Variants in BCR observed in about 807,000 individuals in gnomAD.
BCR encodes BCR activator of RhoGEF and GTPase, also known as breakpoint cluster region protein.
A neutral mutation model predicts 138.6 loss-of-function variants in BCR; 58 were observed. The ratio of observed to expected loss-of-function variants is 0.42; its 90% CI spans 0.34 to 0.52. BCR has a LOEUF of 0.52. Among genes scored for constraint, BCR ranks in the 20% least tolerant of loss-of-function variants. The pLI is 0.06. For synonymous variants in BCR, 786 were observed against 730.1 expected (o/e 1.08, Z -1.23); for missense variants, 1,599 against 1,727.2 (o/e 0.93, Z 1.32).
chr22:23,260,767 CTG>C (rs1290488528), intron 2 of BCR, 181 bp from the exon 3 acceptor site: 20 of 604,298 alleles, frequency 3.3e-5, no homozygotes, highest in Non-Finnish European at 5.7e-5. Context: ...TTCTCAGTGA[CTG>C]TGAGTGTGTG....
intron 1 of BCR, among the ~76,000 whole-genome samples, chr22:23,185,664 TCAAAAAACAAA>T (rs1368473843): frequency 2.0e-5 from 3 of 149,780 alleles, no homozygotes; most frequent in African/African-American, 2.5e-5. Flanking sequence ...AGACACAGTC[TCAAAAAACAAA>T]CAAAAAACTA....
Position 23,263,561 on chromosome 22 carries a change from T to C in BCR, c.1752+2021T>C, listed in dbSNP as rs545328979. 4.0e-5 allele frequency: 63 copies of C among 1,573,932 alleles called. No individual in the cohort carries two copies. In the Admixed American group the frequency reaches 6.0e-4, roughly 15 times the overall value. On this transcript the variant is annotated intron_variant, in intron 4 of 22. Transcript: ENST00000305877. Reference sequence around the variant, plus strand: ...TGGCCTACCAGTTCCGTCCAGATGGTGCCAGCTTGAACCGTCAGCCTCTGG... The same window carrying C: ...TGGCCTACCAGTTCCGTCCAGATGGCGCCAGCTTGAACCGTCAGCCTCTGG...
intron 16 of BCR, among the ~76,000 whole-genome samples, chr22:23,296,206 C>T (rs1298201995): frequency 2.0e-5 from 3 of 151,966 alleles, no homozygotes; most frequent in Non-Finnish European, 4.4e-5. Flanking sequence ...AACCCCGTCT[C>T]TACTAAAAAT....
intron 1 of BCR, among the ~76,000 whole-genome samples, chr22:23,192,653 G>A (rs1000305641): frequency 5.3e-5 from 8 of 152,182 alleles, no homozygotes; most frequent in African/African-American, 1.9e-4. Flanking sequence ...GGACACTTTG[G>A]TAAGGCTTCT....
intron 1 of BCR, chr22:23,199,248 C>G: frequency 1.9e-6 from 1 of 518,204 alleles, no homozygotes; most frequent in Non-Finnish European, 3.9e-6. Flanking sequence ...AGACTCTTCT[C>G]TTCTCTGTGC....
At chr22:23,201,922 G>C (rs903723024) in intron 1 of BCR, among the ~76,000 whole-genome samples, 1 of 152,156 alleles carries the variant, frequency 6.6e-6, no homozygotes, top group Non-Finnish European at 1.5e-5. Flanking sequence ...TGCAGTATGA[G>C]GAAGGTTTAA....
At chr22:23,300,673 C>T (rs1373575417) in intron 16 of BCR, among the ~76,000 whole-genome samples, 1 of 152,156 alleles carries the variant, frequency 6.6e-6, no homozygotes. Context: ...GAGCAGCTGC[C>T]AGGGTGCCAC....
Position 23,181,045 on chromosome 22 carries a change from G to T in BCR, c.85G>T (p.Gly29Cys), listed in dbSNP as rs1441899010. The change falls in exon 1 of 23, where the codon GGC (glycine) becomes TGC (cysteine). Residue 29 changes from glycine to cysteine, a missense_variant. By Grantham distance (159) the Gly-to-Cys change is radical. Around this residue, in one of 4 missense-constraint regions of BCR, gnomAD observed 806 missense variants for 635.0 expected, o/e 1.27. Transcript: ENST00000305877. ...EPPRMELRSV[G>C]DIEQELERCK... ...CCCGCGCATGGAGCTGCGCTCAGTG[G>T]GCGACATCGAGCAGGAGCTGGAGCG... 6.6e-6 allele frequency: 10 copies of T among 1,523,592 alleles called. No homozygotes were observed. The highest frequency in any genetic ancestry group is 8.8e-6 in the Non-Finnish European group (10 of 1,130,586). The allele number at this position is 1,523,592 out of a possible 1,614,324, so 94.4% of individuals were successfully genotyped here. A position where few individuals can be genotyped will look rare whatever the true frequency, so the allele number is the denominator to read the frequency against.
intron 1 of BCR, among the ~76,000 whole-genome samples, chr22:23,214,590 G>T (rs2072727889): frequency 6.6e-6 from 1 of 152,222 alleles, no homozygotes; most frequent in African/African-American, 2.4e-5. Flanking sequence ...TGCCCTCCCA[G>T]GGTAGGGACG....
intron 1 of BCR, among the ~76,000 whole-genome samples, chr22:23,189,257 T>G (rs2072384635): frequency 6.6e-6 from 1 of 152,210 alleles, no homozygotes; most frequent in Non-Finnish European, 1.5e-5. Flanking sequence ...TCACCACTTG[T>G]CAATTTCTAG....
chr22:23,315,298 G>GT (rs1343136600), intron 22 of BCR, 135 bp from the exon 23 acceptor site: 3 of 694,510 alleles, frequency 4.3e-6, no homozygotes, highest in Non-Finnish European at 7.8e-6. Context: ...CCATCTCACT[G>GT]TAAGGGGTTC....
At chr22:23,287,411 A>G in intron 11 of BCR, 133 bp downstream of exon 11, 2 of 1,363,434 alleles carry the variant, frequency 1.5e-6, no homozygotes, top group South Asian at 3.0e-5. Context: ...GCATGCAAGC[A>G]CGCACATTCC....
Position 23,314,034 on chromosome 22 carries a change from A to G in BCR, c.3524A>G (p.Asn1175Ser). The G allele has an allele frequency of 6.2e-7, 1 of 1,613,896 alleles. No homozygotes were observed. Among genetic ancestry groups the G allele is most frequent in the Non-Finnish European group, 8.5e-7 (1 of 1,180,006 alleles). ...LNLLLSLPEA[N>S]LLTFLFLLDH... ...CTGCTGCTGTCCCTGCCGGAGGCCA[A>G]CCTGCTCACCTTCCTTTTCCTTCTG... Residue 1175 changes from asparagine (N) to serine (S), a missense_variant, in exon 21 of 23, where the codon AAC becomes AGC. Coordinates refer to ENST00000305877, the MANE Select transcript of BCR (RefSeq NM_004327.4).
chr22:23,198,465 G>A (rs1602004711), intron 1 of BCR: 1 of 362,308 alleles, frequency 2.8e-6, no homozygotes, highest in African/African-American at 2.3e-5. Flanking sequence ...ACAGCTATCA[G>A]GGTGATATGG....
intron 13 of BCR, 99 bp from the exon 14 acceptor site, chr22:23,290,240 C>T: frequency 1.7e-6 from 2 of 1,210,338 alleles, no homozygotes; most frequent in Admixed American, 3.4e-5. Context: ...GGCAGCCACA[C>T]AGTGTCCACC....
At chr22:23,259,548 C>G (rs1435145803) in intron 2 of BCR, among the ~76,000 whole-genome samples, 1 of 150,600 alleles carries the variant, frequency 6.6e-6, no homozygotes, top group Non-Finnish European at 1.5e-5. Context: ...TGGAGTTTCG[C>G]TCTTGTTGCC....
chr22:23,199,302 G>C, intron 1 of BCR: 1 of 518,836 alleles, frequency 1.9e-6, no homozygotes, highest in Non-Finnish European at 3.8e-6. Flanking sequence ...AGGAAGCATC[G>C]GAGACTGGGT....
chr22:23,269,229 C>T (rs2073481332), intron 5 of BCR, among the ~76,000 whole-genome samples: 1 of 152,224 alleles, frequency 6.6e-6, no homozygotes, highest in Non-Finnish European at 1.5e-5. Context: ...GCACTCCAGA[C>T]TGGGGTTCTT....
intron 13 of BCR, 196 bp from the exon 14 acceptor site, chr22:23,290,143 C>G (rs150165440): frequency 1.5e-4 from 96 of 660,552 alleles, no homozygotes; most frequent in African/African-American, 1.5e-3. Flanking sequence ...TATTGTGAAA[C>G]CAGCTGGATC....
Sources: allele counts gnomAD v4.1 joint callset (sites outside exome capture counted in the v4.1 genomes callset), GRCh38; gene constraint gnomAD v4.1.1; regional missense constraint gnomAD v4.1.1; transcripts MANE v1.5; gene names NCBI Gene and HGNC (gene_info 2026-07-23, HGNC 2026-07-21).